The following CDH4 variants were observed in gnomAD, a reference collection of about 807,000 sequenced individuals.
CDH4 encodes cadherin 4, also known as cadherin-4.
Under a neutral mutation model 86.0 loss-of-function variants are expected in CDH4, and 33 were observed. The observed-to-expected ratio is 0.38, with a 90% CI of 0.29 to 0.51. The LOEUF (loss-of-function observed/expected upper bound fraction) is 0.51, where lower values mean the gene tolerates loss of function less well. Among genes scored for constraint, CDH4 ranks in the 20% least tolerant of loss-of-function variants. CDH4 has a pLI of 0.86. For missense variants in CDH4, 1,114 were observed against 1,307.4 expected, an observed-to-expected ratio of 0.85 and a Z score of 2.28; for synonymous variants, 555 against 549.4, an observed-to-expected ratio of 1.01 and a Z score of -0.14.
At chr20:61,557,497 G>T (rs958289832) in intron 2 of CDH4, among the ~76,000 whole-genome samples, 2 of 152,202 alleles carry the variant, frequency 1.3e-5, no homozygotes, top group Middle Eastern at 3.2e-3. Flanking sequence ...TAAATTTTAT[G>T]CCCTCCAGGA....
chr20:61,581,870 C>G (rs1341075508), intron 2 of CDH4, among the ~76,000 whole-genome samples: 1 of 152,182 alleles, frequency 6.6e-6, no homozygotes, highest in African/African-American at 2.4e-5. Flanking sequence ...AATGTGGCAG[C>G]TCAGCCCTTT....
At chr20:61,626,149 G>T (rs2086827990) in intron 2 of CDH4, among the ~76,000 whole-genome samples, 1 of 152,238 alleles carries the variant, frequency 6.6e-6, no homozygotes, top group Non-Finnish European at 1.5e-5. Flanking sequence ...CTGCCCTTGG[G>T]AAGGGGACAT....
At chr20:61,428,317 C>T (rs965853428) in intron 2 of CDH4, among the ~76,000 whole-genome samples, 1 of 152,190 alleles carries the variant, frequency 6.6e-6, no homozygotes, top group South Asian at 2.1e-4. Flanking sequence ...TGAATATATG[C>T]ATATCCTATG....
intron 4 of CDH4, among the ~76,000 whole-genome samples, chr20:61,791,185 G>A (rs1979177679): frequency 6.6e-6 from 1 of 152,362 alleles, no homozygotes; most frequent in East Asian, 1.9e-4. Flanking sequence ...GAGGATAAAG[G>A]TAATAAGTTT....
intron 2 of CDH4, among the ~76,000 whole-genome samples, chr20:61,334,811 A>G (rs1234937361): frequency 6.6e-6 from 1 of 152,218 alleles, no homozygotes; most frequent in East Asian, 1.9e-4. Context: ...GGTCATTGGC[A>G]TTCAGCTTTT....
rs201926175 is a variant in CDH4, at chr20:61,924,386, G to A, written c.1681G>A (p.Gly561Ser). ...ASWLHINATN[G>S]QITTAAVLDR... ...CTGGCTGCACATCAATGCCACCAAC[G>A]GCCAGATCACCACGGCGGCAGTGCT... Residue 561 changes from glycine to serine, a missense_variant, in exon 11 of 16, where the codon GGC becomes AGC. Around this residue, in one of 3 missense-constraint regions of CDH4, gnomAD observed 705 missense variants for 914.1 expected, o/e 0.77. Coordinates refer to ENST00000614565, the MANE Select transcript of CDH4 (RefSeq NM_001794.5). The A allele has an allele frequency of 2.0e-5, 32 of 1,611,638 alleles. No homozygotes were observed. The highest frequency in any genetic ancestry group is 1.3e-4 in the African/African-American group (10 of 74,686).
intron 2 of CDH4, among the ~76,000 whole-genome samples, chr20:61,296,819 G>A (rs1030214111): frequency 1.3e-5 from 2 of 152,150 alleles, no homozygotes; most frequent in African/African-American, 4.8e-5. Context: ...GAAGGGTGAC[G>A]GACGGACGAT....
At chr20:61,734,395 A>T (rs2088234727) in intron 2 of CDH4, among the ~76,000 whole-genome samples, 1 of 152,198 alleles carries the variant, frequency 6.6e-6, no homozygotes, top group African/African-American at 2.4e-5. Context: ...GTTGTATGTG[A>T]GGTTTGCACC....
intron 2 of CDH4, among the ~76,000 whole-genome samples, chr20:61,598,280 C>T (rs938186185): frequency 3.3e-5 from 5 of 152,018 alleles, no homozygotes; most frequent in Non-Finnish European, 7.4e-5. Context: ...CACCGGCCTG[C>T]CTGCTTCCCA....
chr20:61,559,250 G>A (rs1415975029), intron 2 of CDH4, among the ~76,000 whole-genome samples: 1 of 152,110 alleles, frequency 6.6e-6, no homozygotes, highest in African/African-American at 2.4e-5. Flanking sequence ...CCTGGGAAAC[G>A]GAGGTTGCAG....
chr20:61,904,961 C>T (rs1032980040), intron 8 of CDH4, among the ~76,000 whole-genome samples: 1 of 152,340 alleles, frequency 6.6e-6, no homozygotes, highest in Middle Eastern at 3.4e-3. Flanking sequence ...CCTCCTCTTG[C>T]GAATGGTGAC....
intron 2 of CDH4, among the ~76,000 whole-genome samples, chr20:61,316,268 C>T (rs1038059827): frequency 4.6e-5 from 7 of 152,212 alleles, no homozygotes; most frequent in Non-Finnish European, 1.0e-4. Context: ...TCCAATCCAT[C>T]GGAAGAAGTT....
At chr20:61,304,034 G>T (rs888111652) in intron 2 of CDH4, among the ~76,000 whole-genome samples, 1 of 152,168 alleles carries the variant, frequency 6.6e-6, no homozygotes, top group African/African-American at 2.4e-5. Flanking sequence ...CATTTCACAC[G>T]TTTTTCTGGG....
intron 2 of CDH4, among the ~76,000 whole-genome samples, chr20:61,446,455 A>C (rs1034587337): frequency 1.3e-5 from 2 of 152,240 alleles, no homozygotes; most frequent in African/African-American, 4.8e-5. Flanking sequence ...AAACAGTCTT[A>C]TTCTATTGGC....
chr20:61,496,119 G>A (rs2085660530), intron 2 of CDH4, among the ~76,000 whole-genome samples: 1 of 151,946 alleles, frequency 6.6e-6, no homozygotes, highest in Non-Finnish European at 1.5e-5. Flanking sequence ...TTTATAATTG[G>A]CCAGCCACAG....
At chr20:61,690,684 G>C (rs961062397) in intron 2 of CDH4, among the ~76,000 whole-genome samples, 1 of 152,106 alleles carries the variant, frequency 6.6e-6, no homozygotes, top group Non-Finnish European at 1.5e-5. Flanking sequence ...TGAGAGGAGG[G>C]CGGGGACAAC....
At chr20:61,873,451 C>T (rs539658352) in intron 6 of CDH4, among the ~76,000 whole-genome samples, 4 of 152,364 alleles carry the variant, frequency 2.6e-5, no homozygotes, top group South Asian at 4.1e-4. Context: ...TCTTCCTCCT[C>T]CGAGGCCTGG....
chr20:61,260,535 G>A (rs865854938), intron 2 of CDH4, among the ~76,000 whole-genome samples: 7 of 152,194 alleles, frequency 4.6e-5, no homozygotes, highest in African/African-American at 1.7e-4. Flanking sequence ...TCTCTGTAGC[G>A]AAGCAGAATT....
chr20:61,906,284 C>T (rs371519652), intron 8 of CDH4, among the ~76,000 whole-genome samples: 3 of 152,198 alleles, frequency 2.0e-5, no homozygotes, highest in Non-Finnish European at 4.4e-5. Flanking sequence ...AAAGCAGCCA[C>T]GGGTGATATG....
Sources: gnomAD v4.1 joint callset for allele counts (sites outside exome capture counted in the v4.1 genomes callset) on GRCh38, gnomAD v4.1.1 for gene constraint, gnomAD v4.1.1 regional missense constraint, MANE v1.5 for transcripts, NCBI Gene and HGNC (gene_info 2026-07-23, HGNC 2026-07-21) for gene names.